Variants in PKIG observed in about 807,000 individuals in gnomAD.
PKIG encodes protein kinase (cAMP-dependent, catalytic) inhibitor gamma.
A neutral mutation model predicts 6.8 loss-of-function variants in PKIG; 1 was observed. The observed-to-expected ratio is 0.15, with a 90% CI of 0.05 to 0.69. The LOEUF is 0.69. Ranked by LOEUF, PKIG falls within the 30% of genes least tolerant of loss-of-function variation. The probability of loss-of-function intolerance (pLI) is 0.82; values close to 1 mark genes in which losing one functional copy is unlikely to be tolerated. For missense variants in PKIG, 77 were observed against 104.0 expected, an observed-to-expected ratio of 0.74 and a Z score of 1.13; for synonymous variants, 39 against 43.0, an observed-to-expected ratio of 0.91 and a Z score of 0.36.
chr20:44,615,334 A>G (rs934189751), intron 3 of PKIG, among the ~76,000 whole-genome samples: 2 of 152,212 alleles, frequency 1.3e-5, no homozygotes, highest in Non-Finnish European at 2.9e-5. Context: ...GTGCTAGATC[A>G]GCCTTCCCCA....
chr20:44,578,183 A>T (rs991457087), upstream of PKIG, among the ~76,000 whole-genome samples: 1 of 152,032 alleles, frequency 6.6e-6, no homozygotes, highest in Admixed American at 6.5e-5. Flanking sequence ...TACTAAGCAT[A>T]CAAAAAAATT....
intron 1 of PKIG, among the ~76,000 whole-genome samples, chr20:44,548,910 C>G (rs907568148): frequency 6.8e-6 from 1 of 146,840 alleles, no homozygotes; most frequent in African/African-American, 2.6e-5. Context: ...ACACATATAT[C>G]TGTCTGAGAT....
At chr20:44,610,500 T>TCTCACACACACA (rs1555841182) in intron 2 of PKIG, among the ~76,000 whole-genome samples, 70 of 135,456 alleles carry the variant, frequency 5.2e-4, no homozygotes, top group Middle Eastern at 3.8e-3. Flanking sequence ...TCTCTCTCTC[T>TCTCACACACACA]CACACACACA....
At chr20:44,550,998 C>T (rs1271994847) in intron 1 of PKIG, among the ~76,000 whole-genome samples, 2 of 152,176 alleles carry the variant, frequency 1.3e-5, no homozygotes, top group Non-Finnish European at 2.9e-5. Flanking sequence ...CAATTTTTTG[C>T]TGAACTATTT....
At chr20:44,571,541 C>A (rs138897517) in intron 1 of PKIG, among the ~76,000 whole-genome samples, 103 of 152,230 alleles carry the variant, frequency 6.8e-4, no homozygotes, top group African/African-American at 2.4e-3. Flanking sequence ...TTCTTTACAC[C>A]ACATCCTGCC....
intron 1 of PKIG, among the ~76,000 whole-genome samples, chr20:44,572,641 G>A (rs963446013): frequency 6.6e-6 from 1 of 152,110 alleles, no homozygotes; most frequent in African/African-American, 2.4e-5. Context: ...CCAGAGATTT[G>A]TCATCCAAAT....
At chr20:44,533,798 A>C (rs1451289391) in intron 1 of PKIG, among the ~76,000 whole-genome samples, 2 of 152,228 alleles carry the variant, frequency 1.3e-5, no homozygotes, top group Admixed American at 6.5e-5. Context: ...ACAGGAGAGA[A>C]ACCAGCAAAG....
intron 1 of PKIG, among the ~76,000 whole-genome samples, chr20:44,534,581 G>C (rs994993008): frequency 6.6e-6 from 1 of 151,592 alleles, no homozygotes; most frequent in African/African-American, 2.4e-5. Context: ...CGATCCACCT[G>C]CCTCAGCCCC....
At chr20:44,615,010 C>G (rs2065251950) in intron 3 of PKIG, among the ~76,000 whole-genome samples, 1 of 152,168 alleles carries the variant, frequency 6.6e-6, no homozygotes, top group Non-Finnish European at 1.5e-5. Context: ...ACTCACAGCT[C>G]TCACCTGGCT....
At chr20:44,591,636 G>A (rs928330032) in intron 2 of PKIG, among the ~76,000 whole-genome samples, 1 of 152,102 alleles carries the variant, frequency 6.6e-6, no homozygotes, top group African/African-American at 2.4e-5. Context: ...GGCACCCAGT[G>A]TAAAGCAGAG....
intron 1 of PKIG, among the ~76,000 whole-genome samples, chr20:44,566,111 C>T (rs2064808579): frequency 6.6e-6 from 1 of 152,172 alleles, no homozygotes; most frequent in Non-Finnish European, 1.5e-5. Context: ...CACTAACTAC[C>T]CGCATCTCAT....
chr20:44,536,223 T>C (rs2064511040), intron 1 of PKIG, among the ~76,000 whole-genome samples: 1 of 152,218 alleles, frequency 6.6e-6, no homozygotes, highest in African/African-American at 2.4e-5. Flanking sequence ...ATGGTCACTT[T>C]GAGTTGCTTC....
chr20:44,606,935 C>T (rs74421238), intron 2 of PKIG, among the ~76,000 whole-genome samples: 9,095 of 152,292 alleles, frequency 0.06, 417 homozygotes, highest in African/African-American at 0.13. Flanking sequence ...CACAGGCTGG[C>T]GCCTTGATCT....
intron 2 of PKIG, among the ~76,000 whole-genome samples, chr20:44,595,659 G>A (rs958982000): frequency 2.0e-5 from 3 of 152,088 alleles, no homozygotes; most frequent in Non-Finnish European, 2.9e-5. Flanking sequence ...GATCACAGGC[G>A]TGCACCACCA....
chr20:44,580,050 C>T (rs1158311606), upstream of PKIG, among the ~76,000 whole-genome samples: 1 of 152,176 alleles, frequency 6.6e-6, no homozygotes, highest in African/African-American at 2.4e-5. Flanking sequence ...TTTTGACTTC[C>T]CGACCAATCT....
intron 1 of PKIG, among the ~76,000 whole-genome samples, chr20:44,569,438 A>G (rs1445373411): frequency 6.6e-6 from 1 of 152,256 alleles, no homozygotes; most frequent in African/African-American, 2.4e-5. Flanking sequence ...ACAGAAAGAT[A>G]TAGCGATGAA....
intron 1 of PKIG, among the ~76,000 whole-genome samples, chr20:44,557,269 A>G (rs1290177477): frequency 6.6e-6 from 1 of 152,106 alleles, no homozygotes; most frequent in Non-Finnish European, 1.5e-5. Flanking sequence ...CACCCCTGTA[A>G]TCCCAGCACT....
At chr20:44,590,793 T>C (rs2065027425) in intron 2 of PKIG, among the ~76,000 whole-genome samples, 1 of 152,172 alleles carries the variant, frequency 6.6e-6, no homozygotes, top group Admixed American at 6.5e-5. Context: ...GCTTGCCGAA[T>C]CCACTGTGCA....
At chr20:44,566,488 T>C (rs1302887200) in intron 1 of PKIG, among the ~76,000 whole-genome samples, 1 of 152,244 alleles carries the variant, frequency 6.6e-6, no homozygotes, top group Non-Finnish European at 1.5e-5. Context: ...ATATCATATA[T>C]TATATGTAAA....
Sources: allele counts gnomAD v4.1 joint callset (sites outside exome capture counted in the v4.1 genomes callset), GRCh38; gene constraint gnomAD v4.1.1; transcripts MANE v1.5; gene names NCBI Gene and HGNC (gene_info 2026-07-23, HGNC 2026-07-21).